CACNA2D1: variants seen among roughly 807,000 people sequenced by gnomAD.
CACNA2D1 encodes the protein voltage-dependent calcium channel subunit alpha-2/delta-1.
In CACNA2D1, 53 loss-of-function variants were observed where a neutral mutation model predicts 171.5. That is an observed-to-expected ratio of 0.31 (90% CI 0.25 to 0.39). The LOEUF (loss-of-function observed/expected upper bound fraction) is 0.39. CACNA2D1 is among the 10% of genes least tolerant of loss of function. CACNA2D1 has a pLI of 1.00. For missense variants in CACNA2D1, 903 were observed against 1,299.8 expected (o/e 0.69, Z 4.69); for synonymous variants, 442 against 443.1 (o/e 1.00, Z 0.03).
intron 3 of CACNA2D1, among the ~76,000 whole-genome samples, chr7:82,259,644 G>A (rs76655942): frequency 0.01 from 1,558 of 152,268 alleles, 20 homozygotes; most frequent in African/African-American, 0.035. Flanking sequence ...AATATTGGAA[G>A]GATAAAGCTC....
chr7:82,017,148 G>A (rs1800589140), intron 12 of CACNA2D1, among the ~76,000 whole-genome samples: 1 of 151,846 alleles, frequency 6.6e-6, no homozygotes, highest in Non-Finnish European at 1.5e-5. Context: ...GGTATTTAAT[G>A]ATTTTATGGA....
At chr7:82,125,948 T>G (rs937939288) in intron 5 of CACNA2D1, among the ~76,000 whole-genome samples, 2 of 152,232 alleles carry the variant, frequency 1.3e-5, no homozygotes, top group African/African-American at 4.8e-5. Flanking sequence ...ACGCTCCATT[T>G]GATGCTAAGA....
chr7:82,075,968 G>A lies in CACNA2D1; in HGVS notation c.658+8801C>T, dbSNP rs1377419044. On this transcript the variant is annotated intron_variant, in intron 7 of 38. Coordinates refer to ENST00000356860, the MANE Select transcript of CACNA2D1 (RefSeq NM_000722.4). Reference sequence around the variant, plus strand: ...CTTATTTACATATTTTGCATATAATGTTATCCCCATTCAAATTACAAATGG... The same window carrying A: ...CTTATTTACATATTTTGCATATAATATTATCCCCATTCAAATTACAAATGG... 2.0e-5 allele frequency among the ~76,000 whole-genome samples: 3 copies of A among 152,082 alleles called. No homozygotes were observed. In the East Asian group the frequency reaches 5.8e-4, roughly 29 times the overall value.
At chr7:82,216,055 T>G (rs1242224407) in intron 3 of CACNA2D1, among the ~76,000 whole-genome samples, 2 of 152,228 alleles carry the variant, frequency 1.3e-5, no homozygotes, top group Admixed American at 1.3e-4. Flanking sequence ...TCTGCTCAGT[T>G]TACTCTGTCA....
chr7:82,153,145 G>C (rs188181399), intron 4 of CACNA2D1, among the ~76,000 whole-genome samples: 1 of 150,390 alleles, frequency 6.6e-6, no homozygotes, highest in African/African-American at 2.4e-5. Flanking sequence ...GTATATGAAA[G>C]GCTGAGACCT....
At chr7:82,108,274 T>G (rs141092648) in intron 6 of CACNA2D1, among the ~76,000 whole-genome samples, 2 of 152,212 alleles carry the variant, frequency 1.3e-5, no homozygotes, top group African/African-American at 2.4e-5. Context: ...CTTTGACCTT[T>G]TAAGGGTTAG....
At chr7:82,135,006 A>G (rs532725175) in intron 5 of CACNA2D1, among the ~76,000 whole-genome samples, 119 of 152,156 alleles carry the variant, frequency 7.8e-4, no homozygotes, top group Non-Finnish European at 1.6e-3. Context: ...TTCAATGTAA[A>G]ATAAAAATTA....
chr7:82,131,484 G>T (rs1227078558), intron 5 of CACNA2D1, among the ~76,000 whole-genome samples: 1 of 152,106 alleles, frequency 6.6e-6, no homozygotes, highest in African/African-American at 2.4e-5. Flanking sequence ...AGTACTGCCT[G>T]ATTCATGAAT....
At chr7:82,192,399 A>AATATATAT (rs57832901) in intron 3 of CACNA2D1, among the ~76,000 whole-genome samples, 17 of 146,718 alleles carry the variant, frequency 1.2e-4, no homozygotes, top group African/African-American at 3.8e-4. Flanking sequence ...AAACAGGGGA[A>AATATATAT]ATATATATAT....
chr7:82,002,463 TAA>T (rs1313446768), intron 18 of CACNA2D1, among the ~76,000 whole-genome samples: 1 of 152,220 alleles, frequency 6.6e-6, no homozygotes, highest in South Asian at 2.1e-4. Context: ...TGTACGATAT[TAA>T]AAAGTTTTAA....
At chr7:82,147,472 CT>C (rs1466099870) in intron 4 of CACNA2D1, among the ~76,000 whole-genome samples, 2 of 152,176 alleles carry the variant, frequency 1.3e-5, no homozygotes, top group Non-Finnish European at 2.9e-5. Context: ...GTGGAACTTG[CT>C]TTAATCTCCT....
chr7:82,290,972 TTTC>T (rs1181752964), intron 3 of CACNA2D1, among the ~76,000 whole-genome samples: 2 of 142,506 alleles, frequency 1.4e-5, no homozygotes, highest in African/African-American at 5.6e-5. Flanking sequence ...TCTACTTTCT[TTTC>T]TTTTTTTTTT....
At position 82,299,308 on chromosome 7, in the gene CACNA2D1, G is replaced by C. The variant is rs984806318; in HGVS notation, c.294+35827C>G. ...CTTTTACTTTCTCATTATTGTTTTGGGTATTTTGCAATCAGCATTTTCTCA... is the reference window on the plus strand; with the variant it reads ...CTTTTACTTTCTCATTATTGTTTTGCGTATTTTGCAATCAGCATTTTCTCA... On this transcript the variant is annotated intron_variant, in intron 3 of 38. Coordinates refer to ENST00000356860, the MANE Select transcript of CACNA2D1 (RefSeq NM_000722.4). Among the ~76,000 whole-genome samples the C allele has an allele frequency of 3.9e-5, 6 of 152,036 alleles. No homozygotes were observed. In the South Asian group the frequency reaches 1.2e-3, roughly 32 times the overall value.
At chr7:82,402,705 CAAAAAAAA>C (rs59290672) in intron 1 of CACNA2D1, among the ~76,000 whole-genome samples, 66 of 64,826 alleles carry the variant, frequency 1.0e-3, no homozygotes, top group South Asian at 2.2e-3. Context: ...GACTCTGTCT[CAAAAAAAA>C]AAAAAAAAAA....
At chr7:82,092,668 C>G (rs904139791) in intron 6 of CACNA2D1, among the ~76,000 whole-genome samples, 1 of 150,432 alleles carries the variant, frequency 6.6e-6, no homozygotes, top group Non-Finnish European at 1.5e-5. Flanking sequence ...GCTGGGATTA[C>G]AGGTGTGAGC....
At chr7:82,348,622 T>G (rs1282155308) in intron 2 of CACNA2D1, among the ~76,000 whole-genome samples, 1 of 152,168 alleles carries the variant, frequency 6.6e-6, no homozygotes, top group African/African-American at 2.4e-5. Flanking sequence ...TGGTATAATT[T>G]TTTGAAGTTT....
At position 82,092,153 on chromosome 7, in the gene CACNA2D1, T is replaced by G. The variant is rs1356086014; in HGVS notation, c.527-7253A>C. On this transcript the variant is annotated intron_variant, in intron 6 of 38. Transcript: ENST00000356860. Reference sequence around the variant, plus strand: ...ACACATTTCTTTTACATAGAGCAATTAGAATGTAAATCTGTTTATGTTGTG... The same window carrying G: ...ACACATTTCTTTTACATAGAGCAATGAGAATGTAAATCTGTTTATGTTGTG... Among the ~76,000 whole-genome samples the G allele has an allele frequency of 3.3e-5, 5 of 152,330 alleles. No individual in the cohort carries two copies. In the East Asian group the frequency reaches 9.6e-4, roughly 29 times the overall value.
At chr7:82,107,452 T>C (rs538464242) in intron 6 of CACNA2D1, among the ~76,000 whole-genome samples, 1 of 152,250 alleles carries the variant, frequency 6.6e-6, no homozygotes, top group Admixed American at 6.5e-5. Context: ...TTCTCCCTAG[T>C]TTGGGCAAAA....
At chr7:82,128,461 G>C (rs893880742) in intron 5 of CACNA2D1, among the ~76,000 whole-genome samples, 1 of 152,152 alleles carries the variant, frequency 6.6e-6, no homozygotes, top group Non-Finnish European at 1.5e-5. Flanking sequence ...TCTTATACCA[G>C]AGTCCTTGAA....
Sources: gnomAD v4.1 joint callset for allele counts (sites outside exome capture counted in the v4.1 genomes callset) on GRCh38, gnomAD v4.1.1 for gene constraint, MANE v1.5 for transcripts, NCBI Gene and HGNC (gene_info 2026-07-23, HGNC 2026-07-21) for gene names.